The following ADAM10 variants were observed in gnomAD, a reference collection of about 807,000 sequenced individuals.
ADAM10 encodes disintegrin and metalloproteinase domain-containing protein 10.
In ADAM10, 17 loss-of-function variants were observed where a neutral mutation model predicts 90.1. That is an observed-to-expected ratio of 0.19 (90% CI 0.13 to 0.28). The LOEUF is 0.28. ADAM10 is among the 10% of genes least tolerant of loss of function. The pLI is 1.00. For synonymous variants in ADAM10, 310 were observed against 298.6 expected (o/e 1.04, Z -0.40); for missense variants, 610 against 914.3 (o/e 0.67, Z 4.29).
chr15:58,630,867 C>T (rs1170537777), intron 9 of ADAM10, among the ~76,000 whole-genome samples: 1 of 152,000 alleles, frequency 6.6e-6, no homozygotes, highest in Non-Finnish European at 1.5e-5. Context: ...GATGTCTGTC[C>T]CCCCAAATTT....
chr15:58,673,211 CTT>C (rs751061345), intron 4 of ADAM10, among the ~76,000 whole-genome samples: 3 of 152,126 alleles, frequency 2.0e-5, no homozygotes, highest in Non-Finnish European at 2.9e-5. Context: ...TAACCACTAA[CTT>C]TGCCTGAAAC....
rs544107852 is a variant in ADAM10, at chr15:58,695,603, A to G, written c.207-13289T>C. On this transcript the variant is annotated intron_variant, in intron 2 of 15. Coordinates refer to ENST00000260408, the MANE Select transcript of ADAM10 (RefSeq NM_001110.4). ...AAAGCACTAGTATTCTATATGGTAA[A>G]AAAAAATTGAGGGCAAAAGCTACAA... 1.2e-4 allele frequency among the ~76,000 whole-genome samples: 18 copies of G among 152,298 alleles called. No homozygotes were observed. The South Asian group carries it at 3.5e-3, about 30-fold the overall frequency.
chr15:58,684,933 G>A (rs1035496807), intron 2 of ADAM10, among the ~76,000 whole-genome samples: 1 of 152,118 alleles, frequency 6.6e-6, no homozygotes, highest in Non-Finnish European at 1.5e-5. Context: ...TTGGTGTCTG[G>A]AGAATCAAGA....
intron 10 of ADAM10, among the ~76,000 whole-genome samples, chr15:58,622,001 A>C (rs1160376705): frequency 4.0e-5 from 6 of 151,884 alleles, no homozygotes; most frequent in Admixed American, 3.9e-4. Flanking sequence ...CTTTTTTTGC[A>C]ACAGAAAATT....
intron 9 of ADAM10, among the ~76,000 whole-genome samples, chr15:58,630,347 G>C (rs1896069949): frequency 2.0e-5 from 3 of 152,150 alleles, no homozygotes. Flanking sequence ...CCTAGCGGAG[G>C]AAAGTTTTAA....
At chr15:58,690,141 C>G (rs1897738233) in intron 2 of ADAM10, among the ~76,000 whole-genome samples, 1 of 152,136 alleles carries the variant, frequency 6.6e-6, no homozygotes, top group Non-Finnish European at 1.5e-5. Flanking sequence ...AGAAAAGCCA[C>G]AAAATCATCT....
intron 4 of ADAM10, chr15:58,676,434 C>T (rs1052740641): frequency 1.3e-5 from 4 of 314,414 alleles, no homozygotes; most frequent in Non-Finnish European, 1.3e-5. Context: ...GCTGCTACTA[C>T]TACTACTTCT....
At position 58,599,691 on chromosome 15, in the gene ADAM10, C is replaced by A; in HGVS notation, c.2059G>T (p.Ala687Ser). 1.2e-6 allele frequency: 2 copies of A among 1,612,380 alleles called. No homozygotes were observed. The highest frequency in any genetic ancestry group is 1.3e-5 in the African/African-American group (1 of 74,720). The change falls in exon 15 of 16, where the codon GCT (alanine) becomes TCT (serine). Residue 687 changes from alanine (A) to serine (S), a missense_variant. Physicochemically the swap from Ala to Ser is moderately conservative, Grantham distance 99. This residue lies in a region of ADAM10 where 150 missense variants were observed against 268.5 expected (regional missense o/e 0.56). Transcript: ENST00000260408. ...HWWAVLLMGI[A>S]LIMLMAGFIK... ...AATCCAGCCATTAGCATGATCAGAGCAATTCCCATAAGTAATACTGCCCAC... is the reference window on the plus strand; with the variant it reads ...AATCCAGCCATTAGCATGATCAGAGAAATTCCCATAAGTAATACTGCCCAC...
At chr15:58,659,139 G>A (rs747772520) in intron 5 of ADAM10, among the ~76,000 whole-genome samples, 1 of 151,934 alleles carries the variant, frequency 6.6e-6, no homozygotes, top group East Asian at 1.9e-4. Context: ...TGGGCGTGGT[G>A]GTGCGCACCT....
chr15:58,645,927 A>G, intron 6 of ADAM10, 128 bp downstream of exon 6: 1 of 961,474 alleles, frequency 1.0e-6, no homozygotes, highest in Non-Finnish European at 1.6e-6. Flanking sequence ...TACACATTTT[A>G]TCACATCACA....
At chr15:58,669,810 T>G (rs1317548107) in intron 4 of ADAM10, among the ~76,000 whole-genome samples, 1 of 152,180 alleles carries the variant, frequency 6.6e-6, no homozygotes, top group Non-Finnish European at 1.5e-5. Flanking sequence ...TTATTAACTT[T>G]TAATACATAC....
At chr15:58,647,246 GTATTTTTTTTTTTTTTTT>G (rs1435403220) in intron 5 of ADAM10, among the ~76,000 whole-genome samples, 1 of 36,828 alleles carries the variant, frequency 2.7e-5, no homozygotes, top group African/African-American at 7.4e-5. Flanking sequence ...TAGACACTAA[GTATTTTTTTTTTTTTTTT>G]TTTTTTTTTT....
chr15:58,689,187 T>C (rs976343757), intron 2 of ADAM10, among the ~76,000 whole-genome samples: 2 of 151,980 alleles, frequency 1.3e-5, no homozygotes, highest in Admixed American at 6.6e-5. Flanking sequence ...GATTTAACAT[T>C]AGAAATAATG....
At chr15:58,624,843 G>A (rs942292645) in intron 10 of ADAM10, among the ~76,000 whole-genome samples, 7 of 152,080 alleles carry the variant, frequency 4.6e-5, no homozygotes, top group African/African-American at 1.7e-4. Context: ...TAAAAATACT[G>A]TTTAAATGCA....
intron 1 of ADAM10, chr15:58,749,167 C>G (rs1009328690): frequency 6.8e-4 from 275 of 401,582 alleles, no homozygotes; most frequent in Middle Eastern, 3.7e-3. Flanking sequence ...GGTTCCACCG[C>G]TCTCACCAGG....
At chr15:58,683,859 CAAAAAA>C (rs71425819) in intron 2 of ADAM10, among the ~76,000 whole-genome samples, 5 of 67,250 alleles carry the variant, frequency 7.4e-5, no homozygotes, top group East Asian at 5.8e-4. Flanking sequence ...GGCTCCATCT[CAAAAAA>C]AAAAAAAAAA....
At chr15:58,687,220 C>A (rs1318601124) in intron 2 of ADAM10, among the ~76,000 whole-genome samples, 1 of 152,160 alleles carries the variant, frequency 6.6e-6, no homozygotes, top group Non-Finnish European at 1.5e-5. Flanking sequence ...AGATTCTTAG[C>A]AAACTTGTTT....
chr15:58,663,611 T>C (rs1178741446), intron 5 of ADAM10, among the ~76,000 whole-genome samples: 2 of 152,170 alleles, frequency 1.3e-5, no homozygotes, highest in African/African-American at 2.4e-5. Context: ...GTAATGTGTA[T>C]TGGACTACCA....
At chr15:58,683,293 C>A (rs1249653361) in intron 2 of ADAM10, among the ~76,000 whole-genome samples, 7 of 151,794 alleles carry the variant, frequency 4.6e-5, no homozygotes, top group African/African-American at 1.7e-4. Flanking sequence ...TTTACATATA[C>A]ATGTTTTGCA....
Sources: gnomAD v4.1 joint callset for allele counts (sites outside exome capture counted in the v4.1 genomes callset) on GRCh38, gnomAD v4.1.1 for gene constraint, gnomAD v4.1.1 regional missense constraint, MANE v1.5 for transcripts, NCBI Gene and HGNC (gene_info 2026-07-23, HGNC 2026-07-21) for gene names.